AXIN1: variants seen among roughly 807,000 people sequenced by gnomAD.
AXIN1 encodes the protein axin-1.
A neutral mutation model predicts 76.4 loss-of-function variants in AXIN1; 30 were observed. That is an observed-to-expected ratio of 0.39 (90% CI 0.29 to 0.53). The LOEUF (loss-of-function observed/expected upper bound fraction) is 0.53. Ranked by LOEUF, AXIN1 falls within the 20% of genes least tolerant of loss-of-function variation. AXIN1 has a pLI of 0.66. For missense variants in AXIN1, 1,140 were observed against 1,198.8 expected, an observed-to-expected ratio of 0.95 and a Z score of 0.72; for synonymous variants, 545 against 501.4, an observed-to-expected ratio of 1.09 and a Z score of -1.16.
intron 4 of AXIN1, among the ~76,000 whole-genome samples, chr16:305,389 C>T (rs993176398): frequency 9.2e-5 from 14 of 152,018 alleles, no homozygotes; most frequent in Admixed American, 3.9e-4. Context: ...AGGATCGGAT[C>T]GCATAAGTCC....
At position 297,344 on chromosome 16, in the gene AXIN1, G is replaced by A. The variant is rs562282079; in HGVS notation, c.1785-118C>T. ...GGCTCCCGTGGTGCAGCCGCCGCCC[G>A]CTGTCCCCTGCCCGCTTGTCCCCCA... On this transcript the variant is annotated intron_variant, in intron 6 of 10. Transcript: ENST00000262320. The A allele has an allele frequency of 1.4e-4, 188 of 1,332,486 alleles. 1 individual carries two copies. The African/African-American group carries it at 2.0e-3, about 14-fold the overall frequency. 82.5% of individuals were successfully genotyped at this position (1,332,486 alleles called of 1,614,324 possible).
At chr16:323,240 C>G (rs964550148) in intron 2 of AXIN1, among the ~76,000 whole-genome samples, 18 of 151,780 alleles carry the variant, frequency 1.2e-4, no homozygotes, top group African/African-American at 4.4e-4. Context: ...GAGATCGAGA[C>G]CCTCCTGGCT....
At chr16:310,188 C>T (rs895519011) in intron 3 of AXIN1, 119 bp from the exon 4 acceptor site, 31 of 837,564 alleles carry the variant, frequency 3.7e-5, no homozygotes, top group Non-Finnish European at 5.3e-5. Flanking sequence ...CACCTGTGAG[C>T]CACCACCACT....
At chr16:314,027 G>T (rs541590880) in intron 3 of AXIN1, among the ~76,000 whole-genome samples, 1 of 152,348 alleles carries the variant, frequency 6.6e-6, no homozygotes, top group Admixed American at 6.5e-5. Context: ...GCCACCCTCA[G>T]GGACCACATC....
chr16:309,708 C>T (rs2053124318), intron 4 of AXIN1, among the ~76,000 whole-genome samples: 1 of 152,226 alleles, frequency 6.6e-6, no homozygotes, highest in South Asian at 2.1e-4. Flanking sequence ...ACACTTCCTG[C>T]CACCAGGGAG....
intron 3 of AXIN1, among the ~76,000 whole-genome samples, chr16:310,317 A>G (rs3842950): frequency 0.44 from 67,397 of 152,106 alleles, 15,273 homozygotes; most frequent in South Asian, 0.65. Context: ...CCTAGCTGGT[A>G]TTTACTGGGC....
intron 4 of AXIN1, among the ~76,000 whole-genome samples, chr16:306,460 G>A (rs2053028626): frequency 6.6e-6 from 1 of 152,212 alleles, no homozygotes. Flanking sequence ...TGGCAGATGG[G>A]AGGTGGGACC....
At chr16:313,751 C>A (rs1222019420) in intron 3 of AXIN1, among the ~76,000 whole-genome samples, 2 of 152,250 alleles carry the variant, frequency 1.3e-5, no homozygotes, top group African/African-American at 2.4e-5. Context: ...CTGTTGGCAT[C>A]ATCTAATGGC....
chr16:290,731 A>G (rs111380168), intron 9 of AXIN1: 8 of 312,572 alleles, frequency 2.6e-5, no homozygotes, highest in African/African-American at 1.1e-4. Context: ...GCCCCGACTC[A>G]CTGACTGCAC....
intron 2 of AXIN1, among the ~76,000 whole-genome samples, chr16:324,222 C>T (rs566491934): frequency 2.6e-5 from 4 of 152,326 alleles, no homozygotes; most frequent in Admixed American, 6.5e-5. Context: ...GGCCACATTA[C>T]GGGTCGGCAC....
rs2141458160 is a variant in AXIN1 at position 288,043 on chromosome 16, G to A, written c.*79C>T. The A allele has an allele frequency of 6.2e-7, 1 of 1,606,090 alleles. No individual in the cohort carries two copies. Among genetic ancestry groups the A allele is most frequent in the Non-Finnish European group, 8.5e-7 (1 of 1,177,762 alleles). On this transcript the variant is annotated 3_prime_UTR_variant, in exon 11 of 11. Transcript: ENST00000262320. ...ACACTGTTCCCCATCGGGCTCCTGA[G>A]TACGAGGTCATCTGCCTGGCCGTGA...
intron 5 of AXIN1, among the ~76,000 whole-genome samples, chr16:302,441 G>A (rs2052898146): frequency 6.6e-6 from 1 of 152,252 alleles, no homozygotes; most frequent in Non-Finnish European, 1.5e-5. Flanking sequence ...CTGTGTGTGA[G>A]ACATTTCCAC....
intron 2 of AXIN1, among the ~76,000 whole-genome samples, chr16:317,823 C>T (rs946426498): frequency 6.6e-6 from 1 of 152,240 alleles, no homozygotes; most frequent in Non-Finnish European, 1.5e-5. Flanking sequence ...GTAACAACCA[C>T]TGCAGCCAAC....
intron 2 of AXIN1, among the ~76,000 whole-genome samples, chr16:324,039 G>A (rs555278715): frequency 6.6e-6 from 1 of 152,242 alleles, no homozygotes; most frequent in Admixed American, 6.5e-5. Context: ...AAGCCCCGTA[G>A]CCCACAGGAA....
chr16:334,093 G>T (rs895442081), intron 2 of AXIN1, among the ~76,000 whole-genome samples: 1 of 150,440 alleles, frequency 6.6e-6, no homozygotes, highest in African/African-American at 2.5e-5. Context: ...CACTAACACA[G>T]CATCCAGTAC....
Position 289,510 on chromosome 16 carries a change from T to C in AXIN1, c.2392A>G (p.Thr798Ala), listed in dbSNP as rs781028749. The change falls in exon 10 of 11, where the codon ACC becomes GCC. Residue 798 changes from threonine to alanine, a missense_variant. Physicochemically the swap from Thr to Ala is moderately conservative, Grantham distance 58. Transcript: ENST00000262320. ...YFCGEPIPYR[T>A]LVRGRAVTLG... ...GTGACAGCGCGGCCCCTCACCAGGGTGCGGTAGGGGATGGGTTCCCCGCAG... is the reference window on the plus strand; with the variant it reads ...GTGACAGCGCGGCCCCTCACCAGGGCGCGGTAGGGGATGGGTTCCCCGCAG... 2 of 1,612,808 alleles carry C rather than the reference T, an allele frequency of 1.2e-6. No homozygotes were observed. The highest frequency in any genetic ancestry group is 2.2e-5 in the South Asian group (2 of 91,082).
chr16:346,857 A>G lies in AXIN1; in HGVS notation c.169T>C (p.Ser57Pro), dbSNP rs2141708025. Residue 57 changes from serine to proline, a missense_variant, in exon 2 of 11, where the codon TCG becomes CCG. Ser to Pro is a moderately conservative substitution (Grantham distance 74). Transcript: ENST00000262320. Reference protein sequence around the residue: ...GKGVGIKGETSTATPRRSDLD... With the variant: ...GKGVGIKGETPTATPRRSDLD... ...TCCGAGCGCCTCGGAGTGGCCGTCG[A>G]AGTCTCACCTTTAATGCCAACACCT... 6.2e-7 allele frequency: 1 copy of G among 1,613,550 alleles called. No individual in the cohort carries two copies. Among genetic ancestry groups the G allele is most frequent in the Admixed American group, 1.7e-5 (1 of 60,014 alleles).
intron 3 of AXIN1, among the ~76,000 whole-genome samples, chr16:311,635 G>A (rs1421390437): frequency 2.6e-5 from 4 of 152,050 alleles, no homozygotes; most frequent in Non-Finnish European, 5.9e-5. Context: ...GCCAGGTGTG[G>A]TGGCGAGTGC....
chr16:349,074 C>T (rs1289898918), intron 1 of AXIN1, among the ~76,000 whole-genome samples: 2 of 151,866 alleles, frequency 1.3e-5, no homozygotes, highest in Non-Finnish European at 2.9e-5. Context: ...TGCACTCCAG[C>T]TTGGGCGACA....
Sources: allele counts gnomAD v4.1 joint callset (sites outside exome capture counted in the v4.1 genomes callset), GRCh38; gene constraint gnomAD v4.1.1; transcripts MANE v1.5; gene names NCBI Gene and HGNC (gene_info 2026-07-23, HGNC 2026-07-21).